CPEB3: variants seen among roughly 807,000 people sequenced by gnomAD.
CPEB3 encodes the protein cytoplasmic polyadenylation element-binding protein 3.
In CPEB3, 20 loss-of-function variants were observed where a neutral mutation model predicts 67.2. That is an observed-to-expected ratio of 0.30 (90% CI 0.21 to 0.43). The LOEUF (loss-of-function observed/expected upper bound fraction) is 0.43, where lower values mean the gene tolerates loss of function less well. CPEB3 is among the 20% of genes least tolerant of loss of function. The pLI, the probability that CPEB3 is intolerant of heterozygous loss-of-function variation, is 1.00. For missense variants in CPEB3, 746 were observed against 968.6 expected (o/e 0.77, Z 3.05); for synonymous variants, 376 against 393.1 (o/e 0.96, Z 0.51).
At chr10:92,211,462 A>G (rs1302846494) in intron 2 of CPEB3, among the ~76,000 whole-genome samples, 1 of 152,234 alleles carries the variant, frequency 6.6e-6, no homozygotes. Flanking sequence ...AAACTGTGCC[A>G]AATCATGACA....
At chr10:92,160,199 C>T (rs1847405074) in intron 4 of CPEB3, among the ~76,000 whole-genome samples, 1 of 152,154 alleles carries the variant, frequency 6.6e-6, no homozygotes, top group African/African-American at 2.4e-5. Context: ...CCCACCTCGG[C>T]CTCCCAAAGT....
intron 4 of CPEB3, among the ~76,000 whole-genome samples, chr10:92,158,258 A>G (rs1396657408): frequency 6.6e-6 from 1 of 152,196 alleles, no homozygotes; most frequent in Non-Finnish European, 1.5e-5. Context: ...TACAGGCTAA[A>G]TCACAATCTT....
intron 4 of CPEB3, among the ~76,000 whole-genome samples, chr10:92,168,922 C>T (rs1222824945): frequency 6.7e-6 from 1 of 149,268 alleles, no homozygotes; most frequent in Non-Finnish European, 1.5e-5. Context: ...CAGCCTCCCA[C>T]ACAGCTGGGA....
chr10:92,197,686 T>G (rs935658124), intron 2 of CPEB3, among the ~76,000 whole-genome samples: 2 of 152,252 alleles, frequency 1.3e-5, no homozygotes, highest in Non-Finnish European at 2.9e-5. Flanking sequence ...GTCCTCTCTT[T>G]CTTCCCTCAG....
At chr10:92,124,401 G>A (rs1189294403) in intron 6 of CPEB3, among the ~76,000 whole-genome samples, 1 of 152,112 alleles carries the variant, frequency 6.6e-6, no homozygotes, top group Non-Finnish European at 1.5e-5. Flanking sequence ...AGTGTGCTAA[G>A]CTTTTAAAAG....
chr10:92,175,932 A>C (rs534059743), intron 4 of CPEB3, among the ~76,000 whole-genome samples: 1 of 152,194 alleles, frequency 6.6e-6, no homozygotes, highest in Non-Finnish European at 1.5e-5. Context: ...TCTACTAAAA[A>C]TACAAAAAAT....
intron 2 of CPEB3, among the ~76,000 whole-genome samples, chr10:92,198,079 C>T (rs1205118265): frequency 6.6e-6 from 1 of 152,154 alleles, no homozygotes; most frequent in Non-Finnish European, 1.5e-5. Flanking sequence ...GCACTCCACC[C>T]TGGGTGACAC....
intron 8 of CPEB3, 86 bp downstream of exon 8, chr10:92,091,744 G>T: frequency 1.3e-6 from 1 of 787,366 alleles, no homozygotes; most frequent in Non-Finnish European, 2.1e-6. Context: ...TAGCTGACTG[G>T]AAACCTAGAA....
chr10:92,133,448 A>T (rs1188705456), intron 6 of CPEB3, among the ~76,000 whole-genome samples: 1 of 152,222 alleles, frequency 6.6e-6, no homozygotes, highest in Non-Finnish European at 1.5e-5. Context: ...GGACACATAC[A>T]CCCTCCCAAG....
intron 1 of CPEB3, among the ~76,000 whole-genome samples, chr10:92,253,806 T>TA (rs1174818990): frequency 6.6e-6 from 1 of 152,122 alleles, no homozygotes; most frequent in African/African-American, 2.4e-5. Flanking sequence ...AAAAAAATAG[T>TA]ATGATCTGGC....
At chr10:92,058,552 A>AATACATACATACATACATAC (rs58987766) in intron 9 of CPEB3, among the ~76,000 whole-genome samples, 4 of 138,668 alleles carry the variant, frequency 2.9e-5, no homozygotes, top group Non-Finnish European at 4.6e-5. Flanking sequence ...CCATCTCAAA[A>AATACATACATACATACATAC]ATACATACAT....
chr10:92,130,473 C>T (rs1054187824), intron 6 of CPEB3, among the ~76,000 whole-genome samples: 1 of 152,090 alleles, frequency 6.6e-6, no homozygotes, highest in African/African-American at 2.4e-5. Context: ...CATTTCCTTA[C>T]TTGTGGTCCA....
chr10:92,069,312 G>A (rs1239749304), intron 9 of CPEB3, among the ~76,000 whole-genome samples: 1 of 152,168 alleles, frequency 6.6e-6, no homozygotes, highest in African/African-American at 2.4e-5. Context: ...TAAGGTACTT[G>A]CAAAGAATGG....
At chr10:92,233,635 T>G (rs1851381214) in intron 2 of CPEB3, among the ~76,000 whole-genome samples, 1 of 152,068 alleles carries the variant, frequency 6.6e-6, no homozygotes, top group Non-Finnish European at 1.5e-5. Flanking sequence ...TCCTAAAAAT[T>G]TATTATGAGT....
intron 4 of CPEB3, 98 bp downstream of exon 4, chr10:92,180,865 A>G: frequency 1.3e-6 from 1 of 754,066 alleles, no homozygotes; most frequent in East Asian, 2.5e-5. Flanking sequence ...TACTCCTTTC[A>G]GCGGAAGGTT....
chr10:92,232,755 C>G (rs930840457), intron 2 of CPEB3, among the ~76,000 whole-genome samples: 12 of 118,370 alleles, frequency 1.0e-4, no homozygotes, highest in Non-Finnish European at 1.8e-4. Context: ...GAAACTCCAT[C>G]TCAAAAAAAA....
chr10:92,153,339 T>C (rs538044237), intron 4 of CPEB3, among the ~76,000 whole-genome samples: 1 of 152,360 alleles, frequency 6.6e-6, no homozygotes, highest in South Asian at 2.1e-4. Context: ...AACCCATTAA[T>C]ATCAATATAT....
intron 1 of CPEB3, among the ~76,000 whole-genome samples, chr10:92,269,806 C>T: frequency 6.6e-6 from 1 of 152,112 alleles, no homozygotes; most frequent in East Asian, 1.9e-4. Context: ...GATCCGCCCA[C>T]CTCAGCATCC....
rs191356440 is a variant in CPEB3, at chr10:92,171,517, A to T, written c.1222+9446T>A. 2.5e-3 allele frequency among the ~76,000 whole-genome samples: 377 copies of T among 152,184 alleles called. 1 individual carries two copies. Among genetic ancestry groups the T allele is most frequent in the Non-Finnish European group, 4.1e-3 (278 of 68,016 alleles). On this transcript the variant is annotated intron_variant, in intron 4 of 9. Coordinates refer to ENST00000265997, the MANE Select transcript of CPEB3 (RefSeq NM_014912.5). Reference sequence around the variant, plus strand: ...GTTTTCTATTTTGGCTCCTGTTTTGATTGTATAACTAGAGTTGAGAATTAG... The same window carrying T: ...GTTTTCTATTTTGGCTCCTGTTTTGTTTGTATAACTAGAGTTGAGAATTAG...
Sources: gnomAD v4.1 joint callset for allele counts (sites outside exome capture counted in the v4.1 genomes callset) on GRCh38, gnomAD v4.1.1 for gene constraint, MANE v1.5 for transcripts, NCBI Gene and HGNC (gene_info 2026-07-23, HGNC 2026-07-21) for gene names.